HSD17B7: variants seen among roughly 807,000 people sequenced by gnomAD.
HSD17B7 encodes 3-keto-steroid reductase/17-beta-hydroxysteroid dehydrogenase 7.
Under a neutral mutation model 34.1 loss-of-function variants are expected in HSD17B7, and 17 were observed. That is an observed-to-expected ratio of 0.50 (90% CI 0.34 to 0.75). The LOEUF is 0.75. Among genes scored for constraint, HSD17B7 ranks in the 30% least tolerant of loss-of-function variants. HSD17B7 has a pLI of 0.01. For missense variants in HSD17B7, 296 were observed against 406.6 expected (o/e 0.73, Z 2.34); for synonymous variants, 122 against 154.6 (o/e 0.79, Z 1.56).
chr1:162,808,951 A>G (rs976915170), intron 8 of HSD17B7, among the ~76,000 whole-genome samples: 5 of 152,110 alleles, frequency 3.3e-5, no homozygotes, highest in African/African-American at 1.2e-4. Context: ...CTAATTGAAT[A>G]CCCTTTATTT....
Position 162,812,242 on chromosome 1 carries a change from A to G in HSD17B7, c.904-56A>G, listed in dbSNP as rs1649191698. On this transcript the variant is annotated intron_variant, in intron 8 of 8. Coordinates refer to ENST00000254521, the MANE Select transcript of HSD17B7 (RefSeq NM_016371.4). ...TATTGAATGCCTTTTTTTTATACAA[A>G]TACTATTCATCTTATTTTTCATTTC... The G allele has an allele frequency of 4.5e-6, 7 of 1,570,640 alleles. No individual in the cohort carries two copies. In the Admixed American group the frequency reaches 1.3e-4, roughly 29 times the overall value.
intron 4 of HSD17B7, chr1:162,798,219 T>C (rs186479992): frequency 1.2e-5 from 4 of 338,224 alleles, no homozygotes; most frequent in East Asian, 1.2e-4. Context: ...CGCATTGGTA[T>C]GATGCATTTG....
rs141600147 is a variant in HSD17B7, at chr1:162,801,908, G to A, written c.643-1523G>A. On this transcript the variant is annotated intron_variant, in intron 5 of 8. Coordinates refer to ENST00000254521, the MANE Select transcript of HSD17B7 (RefSeq NM_016371.4). ...GTCTCAATTATCAAGTGAGCTTTGGGATTTTATCTTTTACGAAGGAGGGAG... is the reference window on the plus strand; with the variant it reads ...GTCTCAATTATCAAGTGAGCTTTGGAATTTTATCTTTTACGAAGGAGGGAG... Among the ~76,000 whole-genome samples the A allele has an allele frequency of 6.9e-3, 1,058 of 152,324 alleles. 9 individuals carry two copies. Among genetic ancestry groups the A allele is most frequent in the African/African-American group, 0.024 (995 of 41,568 alleles).
chr1:162,792,832 T>A lies in HSD17B7; in HGVS notation c.209T>A (p.Val70Asp). The change falls in exon 2 of 9, where the codon GTC becomes GAC. Residue 70 changes from valine (V) to aspartate (D), a missense_variant. Val to Asp is a radical substitution (Grantham distance 152, BLOSUM62 -3). Coordinates refer to ENST00000254521, the MANE Select transcript of HSD17B7 (RefSeq NM_016371.4). The stretch of plus-strand genomic sequence containing the variant: ...GTGGATGTCAGCAACCTGCAGTCGG[T>A]CTTCCGGGCCTCCAAGGAACTTAAG... Reference protein sequence around the residue: ...VQVDVSNLQSVFRASKELKQR... With the variant: ...VQVDVSNLQSDFRASKELKQR... 2.5e-6 allele frequency: 4 copies of A among 1,614,236 alleles called. No homozygotes were observed. Among genetic ancestry groups the A allele is most frequent in the Non-Finnish European group, 3.4e-6 (4 of 1,180,046 alleles).
chr1:162,802,070 ATGT>A (rs1440246069), intron 5 of HSD17B7, among the ~76,000 whole-genome samples: 1 of 152,036 alleles, frequency 6.6e-6, no homozygotes, highest in African/African-American at 2.4e-5. Context: ...GTTACTGGAA[ATGT>A]TGTCAGGTTC....
intron 2 of HSD17B7, among the ~76,000 whole-genome samples, chr1:162,796,009 C>T (rs560497876): frequency 2.4e-4 from 22 of 92,998 alleles, no homozygotes; most frequent in South Asian, 1.1e-3. Flanking sequence ...TGTATTCTTA[C>T]GAACTTTCAT....
chr1:162,802,080 G>A (rs1008377094), intron 5 of HSD17B7, among the ~76,000 whole-genome samples: 36 of 152,008 alleles, frequency 2.4e-4, no homozygotes, highest in Non-Finnish European at 4.4e-4. Context: ...ATGTTGTCAG[G>A]TTCTATATAG....
intron 3 of HSD17B7, chr1:162,797,134 AAC>A (rs2102231402): frequency 6.2e-6 from 1 of 161,694 alleles, no homozygotes; most frequent in African/African-American, 2.4e-5. Context: ...AAAATGTTGA[AAC>A]ACAACCAGGA....
chr1:162,793,027 C>CTTTA, intron 2 of HSD17B7, 165 bp downstream of exon 2: 73 of 319,718 alleles, frequency 2.3e-4, no homozygotes, highest in East Asian at 4.7e-4. Context: ...ACCACGTTTT[C>CTTTA]TTTCTTTTTT....
intron 5 of HSD17B7, among the ~76,000 whole-genome samples, chr1:162,801,491 T>G (rs1008357505): frequency 5.9e-5 from 9 of 152,206 alleles, no homozygotes; most frequent in Non-Finnish European, 1.3e-4. Flanking sequence ...GTATTCAGAA[T>G]GTGAGTTTGT....
intron 5 of HSD17B7, among the ~76,000 whole-genome samples, chr1:162,800,676 T>C (rs1389547322): frequency 1.3e-5 from 2 of 152,230 alleles, no homozygotes; most frequent in African/African-American, 4.8e-5. Context: ...TCTCCAGTCT[T>C]CGCCTTGGAC....
intron 8 of HSD17B7, among the ~76,000 whole-genome samples, chr1:162,805,973 T>C (rs1648969315): frequency 6.6e-6 from 1 of 152,146 alleles, no homozygotes; most frequent in Non-Finnish European, 1.5e-5. Context: ...CTGTGTGAAG[T>C]TAACTTCCCT....
At chr1:162,806,361 G>A (rs188671903) in intron 8 of HSD17B7, among the ~76,000 whole-genome samples, 1 of 152,230 alleles carries the variant, frequency 6.6e-6, no homozygotes, top group African/African-American at 2.4e-5. Flanking sequence ...CCATGCACTT[G>A]GCTTCCTGTG....
chr1:162,811,823 CAT>C (rs1489093375), intron 8 of HSD17B7, among the ~76,000 whole-genome samples: 2 of 152,226 alleles, frequency 1.3e-5, no homozygotes, highest in Non-Finnish European at 2.9e-5. Flanking sequence ...CTAGCCAGAA[CAT>C]AGTCTCATGG....
At chr1:162,792,962 G>C in intron 2 of HSD17B7, 100 bp downstream of exon 2, 1 of 1,159,970 alleles carries the variant, frequency 8.6e-7, no homozygotes, top group Non-Finnish European at 1.3e-6. Flanking sequence ...AAACAGGTGC[G>C]GTGTAAGCAG....
At chr1:162,807,935 G>A (rs1344120107) in intron 8 of HSD17B7, among the ~76,000 whole-genome samples, 2 of 152,066 alleles carry the variant, frequency 1.3e-5, no homozygotes, top group African/African-American at 2.4e-5. Flanking sequence ...TCCTCTGATG[G>A]TAGTTTCTCT....
chr1:162,807,977 T>A (rs1190528199), intron 8 of HSD17B7, among the ~76,000 whole-genome samples: 1 of 152,228 alleles, frequency 6.6e-6, no homozygotes, highest in Non-Finnish European at 1.5e-5. Context: ...TTTAATTAGA[T>A]CCCATTTGTC....
intron 4 of HSD17B7, 188 bp from the exon 5 acceptor site, chr1:162,799,555 A>T (rs1042434793): frequency 1.8e-6 from 1 of 540,946 alleles, no homozygotes; most frequent in African/African-American, 1.9e-5. Flanking sequence ...ATATATGTAC[A>T]TACTAACTCA....
chr1:162,810,877 A>G (rs928849289), intron 8 of HSD17B7, among the ~76,000 whole-genome samples: 10 of 152,074 alleles, frequency 6.6e-5, no homozygotes, highest in African/African-American at 2.2e-4. Context: ...AATATAGCAC[A>G]CTGATGGGTC....
Sources: gnomAD v4.1 joint callset for allele counts (sites outside exome capture counted in the v4.1 genomes callset) on GRCh38, gnomAD v4.1.1 for gene constraint, MANE v1.5 for transcripts, NCBI Gene and HGNC (gene_info 2026-07-23, HGNC 2026-07-21) for gene names.